TMEM201: variants seen among roughly 807,000 people sequenced by gnomAD.
The protein encoded by TMEM201 is transmembrane protein 201.
Under a neutral mutation model 63.4 loss-of-function variants are expected in TMEM201, and 26 were observed. That is an observed-to-expected ratio of 0.41 (90% confidence interval 0.30 to 0.57). The LOEUF is 0.57. TMEM201 is among the 20% of genes least tolerant of loss of function. The pLI is 0.29. For synonymous variants in TMEM201, 417 were observed against 421.6 expected (o/e 0.99, Z 0.14); for missense variants, 794 against 917.7 (o/e 0.87, Z 1.74).
In TMEM201 at chr1:9,614,276, A is replaced by G. The variant is rs1268934950; in HGVS notation, c.*1193A>G. Reference sequence around the variant, plus strand: ...CTCTGCCATTCAGGGATAAAGTTTAATTTTATTTTTCTACACATTTTGCCA... The same window carrying G: ...CTCTGCCATTCAGGGATAAAGTTTAGTTTTATTTTTCTACACATTTTGCCA... On this transcript the variant is annotated 3_prime_UTR_variant, in exon 11 of 11. Coordinates refer to ENST00000340381, the MANE Select transcript of TMEM201 (RefSeq NM_001130924.3). The G allele has an allele frequency of 6.6e-6, 1 of 151,642 alleles. No individual in the cohort carries two copies. 9.4% of individuals were successfully genotyped at this position (151,642 alleles called of 1,614,324 possible). A position where few individuals can be genotyped will look rare whatever the true frequency, so the allele number is the denominator to read the frequency against.
rs917697991 is a variant in TMEM201 at position 9,607,516 on chromosome 1, G to A, written c.1161-41G>A. 17 of 1,493,066 alleles carry A rather than the reference G, an allele frequency of 1.1e-5. No homozygotes were observed. The highest frequency in any genetic ancestry group is 6.1e-5 in the Admixed American group (3 of 49,146). The allele number at this position is 1,493,066 out of a possible 1,614,324, so 92.5% of individuals were successfully genotyped here. A position where few individuals can be genotyped will look rare whatever the true frequency, so the allele number is the denominator to read the frequency against. Reference sequence around the variant, plus strand: ...TGCAAGGCTGCCTCCAGGACCTCCCGCTGACCCTCTTCTTGTCCCGTGCCT... The same window carrying A: ...TGCAAGGCTGCCTCCAGGACCTCCCACTGACCCTCTTCTTGTCCCGTGCCT... On this transcript the variant is annotated intron_variant, in intron 6 of 10. Coordinates refer to ENST00000340381, the MANE Select transcript of TMEM201 (RefSeq NM_001130924.3). The surrounding 1 kb of genome is among the most constrained non-coding windows in gnomAD (Gnocchi z 5.4).
chr1:9,600,494 T>TAA (rs1644116900), intron 4 of TMEM201, among the ~76,000 whole-genome samples: 2 of 152,174 alleles, frequency 1.3e-5, no homozygotes, highest in Admixed American at 6.5e-5. Flanking sequence ...CATGCTCAGA[T>TAA]ACGCACATAA....
chr1:9,597,913 T>G (rs925290264), intron 3 of TMEM201, among the ~76,000 whole-genome samples: 1 of 151,736 alleles, frequency 6.6e-6, no homozygotes, highest in Non-Finnish European at 1.5e-5. Flanking sequence ...GGAGGGAGAG[T>G]TGCAGTGCTG....
chr1:9,598,953 T>A (rs1406257077), intron 4 of TMEM201, among the ~76,000 whole-genome samples: 1 of 151,524 alleles, frequency 6.6e-6, no homozygotes, highest in Non-Finnish European at 1.5e-5. Context: ...CCGTCCTTTT[T>A]TTTTTTTAAA....
At chr1:9,591,436 C>G (rs1048408229) in intron 1 of TMEM201, among the ~76,000 whole-genome samples, 2 of 152,254 alleles carry the variant, frequency 1.3e-5, no homozygotes, top group Non-Finnish European at 2.9e-5. Flanking sequence ...GAAGCCACCA[C>G]GGTCGGCACA....
chr1:9,594,892 G>A (rs1283568217), intron 1 of TMEM201, among the ~76,000 whole-genome samples: 4 of 152,258 alleles, frequency 2.6e-5, no homozygotes. Context: ...AGCGCCTCAG[G>A]ATGAAAGGCC....
At chr1:9,611,258 C>T (rs549954851) in intron 9 of TMEM201, among the ~76,000 whole-genome samples, 3 of 150,332 alleles carry the variant, frequency 2.0e-5, no homozygotes, top group South Asian at 4.2e-4. Flanking sequence ...AGTGCAGTGG[C>T]GTGATCTTGG....
chr1:9,610,010 C>CA lies in TMEM201; in HGVS notation c.1465+101dup. The CA allele has an allele frequency of 1.5e-5, 18 of 1,162,178 alleles. No individual in the cohort carries two copies. The highest frequency in any genetic ancestry group is 1.9e-5 in the Non-Finnish European group (15 of 796,992). The allele number at this position is 1,162,178 out of a possible 1,614,324, so 72.0% of individuals were successfully genotyped here. On this transcript the variant is annotated intron_variant, in intron 8 of 10. Transcript: ENST00000340381. This position sits in a 1 kb window ranked among gnomAD's most constrained non-coding sequence, Gnocchi z 4.9. ...GTGAGCTTTGGGGTCAGACAGACCC[C>CA]AAGTGTGTGTTCACATCTCAGCCCT...
At chr1:9,602,396 C>G (rs139782863) in intron 6 of TMEM201, 124 bp downstream of exon 6, 20 of 1,481,714 alleles carry the variant, frequency 1.3e-5, no homozygotes, top group East Asian at 2.5e-5. Context: ...CTCCCACCCC[C>G]ACCCTACAGC....
intron 4 of TMEM201, among the ~76,000 whole-genome samples, chr1:9,600,332 C>T (rs1344710427): frequency 6.6e-6 from 1 of 152,172 alleles, no homozygotes; most frequent in Non-Finnish European, 1.5e-5. Context: ...GGGCTTTCTA[C>T]GTGGCCCTGT....
In TMEM201 at chr1:9,608,647, G is replaced by T. The variant is rs377460068; in HGVS notation, c.1393+858G>T. ...GGCCTGAGCACTCCGAGTAAACTCT[G>T]TGCGCACTGACCAAGGTGGCAGAGC... On this transcript the variant is annotated intron_variant, in intron 7 of 10. Transcript: ENST00000340381. The surrounding 1 kb of genome is among the most constrained non-coding windows in gnomAD (Gnocchi z 4.3). Among the ~76,000 whole-genome samples the T allele has an allele frequency of 6.6e-6, 1 of 152,204 alleles. No individual in the cohort carries two copies. The highest frequency in any genetic ancestry group is 2.4e-5 in the African/African-American group (1 of 41,438).
At chr1:9,609,791 G>C in intron 7 of TMEM201, 49 bp from the exon 8 acceptor site, 1 of 1,527,434 alleles carries the variant, frequency 6.5e-7, no homozygotes, top group Non-Finnish European at 8.9e-7. Context: ...GGGGGCCTCT[G>C]CACGTCATCC....
Position 9,614,091 on chromosome 1 carries a change from AC to A in TMEM201, c.*1011del. On this transcript the variant is annotated 3_prime_UTR_variant, in exon 11 of 11. Transcript: ENST00000340381. ...GTGAGGCAGCGGGGAGGGACCGTGC[AC>A]CCGTGGCTATCAGAGCCCCTCCGCT... 1 of 151,764 alleles carries A rather than the reference AC, an allele frequency of 6.6e-6. No homozygotes were observed. Among genetic ancestry groups the A allele is most frequent in the East Asian group, 1.9e-4 (1 of 5,132 alleles). The allele number at this position is 151,764 out of a possible 1,614,324, so 9.4% of individuals were successfully genotyped here.
Position 9,608,984 on chromosome 1 carries a change from A to T in TMEM201, c.1394-856A>T, listed in dbSNP as rs1263009852. Among the ~76,000 whole-genome samples, 2 of 152,130 alleles carry T rather than the reference A, an allele frequency of 1.3e-5. No homozygotes were observed. Among genetic ancestry groups the T allele is most frequent in the Non-Finnish European group, 2.9e-5 (2 of 68,006 alleles). On this transcript the variant is annotated intron_variant, in intron 7 of 10. Coordinates refer to ENST00000340381, the MANE Select transcript of TMEM201 (RefSeq NM_001130924.3). This position sits in a 1 kb window ranked among gnomAD's most constrained non-coding sequence, Gnocchi z 4.3. ...GTTCCTGCAGGGCTTTGGCTCATGT[A>T]TTCAGAGACGCGCTGGACCGGGCTC...
At chr1:9,602,026 G>A in intron 5 of TMEM201, 43 bp from the exon 6 acceptor site, 1 of 1,589,746 alleles carries the variant, frequency 6.3e-7, no homozygotes, top group Non-Finnish European at 8.6e-7. Context: ...GGACCCAGGA[G>A]GTCTTGTCCT....
chr1:9,604,758 C>T lies in TMEM201; in HGVS notation c.1160+2486C>T. 1 of 986,006 alleles carries T rather than the reference C, an allele frequency of 1.0e-6. No homozygotes were observed. The highest frequency in any genetic ancestry group is 1.2e-6 in the Non-Finnish European group (1 of 830,016). The allele number at this position is 986,006 out of a possible 1,614,324, so 61.1% of individuals were successfully genotyped here. A position where few individuals can be genotyped will look rare whatever the true frequency, so the allele number is the denominator to read the frequency against. The stretch of plus-strand genomic sequence containing the variant: ...GGACGCAGCCTCCACGCCGCACCTG[C>T]CACATTCAGCCCTGCCCAGGAAGGA... On this transcript the variant is annotated intron_variant, in intron 6 of 10. Transcript: ENST00000340381. This position sits in a 1 kb window ranked among gnomAD's most constrained non-coding sequence, Gnocchi z 4.1.
rs1644208586 is a variant in TMEM201 at position 9,604,574 on chromosome 1, C to T, written c.1160+2302C>T. The stretch of plus-strand genomic sequence containing the variant: ...TCTCCTCGCGGGGGACTTGGGATGG[C>T]CATCAGACCTTCTAGGGTCTGGCTG... On this transcript the variant is annotated intron_variant, in intron 6 of 10. Coordinates refer to ENST00000340381, the MANE Select transcript of TMEM201 (RefSeq NM_001130924.3). This position sits in a 1 kb window ranked among gnomAD's most constrained non-coding sequence, Gnocchi z 4.1. The T allele has an allele frequency of 1.0e-6, 1 of 985,298 alleles. No individual in the cohort carries two copies. The highest frequency in any genetic ancestry group is 6.1e-5 in the Admixed American group (1 of 16,264). The allele number at this position is 985,298 out of a possible 1,614,324, so 61.0% of individuals were successfully genotyped here.
rs574678723 is a variant in TMEM201, at chr1:9,593,987, C to G, written c.114-1903C>G. 3.3e-5 allele frequency among the ~76,000 whole-genome samples: 5 copies of G among 152,382 alleles called. No individual in the cohort carries two copies. In the South Asian group the frequency reaches 1.0e-3, roughly 32 times the overall value. On this transcript the variant is annotated intron_variant, in intron 1 of 10. Coordinates refer to ENST00000340381, the MANE Select transcript of TMEM201 (RefSeq NM_001130924.3). ...GCGGGCACCGCAGCAGAGCAGGTCT[C>G]CACATGCCCCAGAGCGAGTCTCCTT...
At chr1:9,592,342 C>A (rs1355912179) in intron 1 of TMEM201, among the ~76,000 whole-genome samples, 2 of 152,230 alleles carry the variant, frequency 1.3e-5, no homozygotes, top group East Asian at 3.8e-4. Context: ...GTCTTTCCAA[C>A]CCCGCACTGG....
Sources: gnomAD v4.1 joint callset for allele counts (sites outside exome capture counted in the v4.1 genomes callset) on GRCh38, gnomAD v4.1.1 for gene constraint, Gnocchi (gnomAD v3.1) non-coding constraint, MANE v1.5 for transcripts, NCBI Gene and HGNC (gene_info 2026-07-23, HGNC 2026-07-21) for gene names.